The following OLA1 variants were observed in gnomAD, a reference collection of about 807,000 sequenced individuals.
OLA1 encodes Obg like ATPase 1, also known as obg-like ATPase 1.
A neutral mutation model predicts 48.4 loss-of-function variants in OLA1; 14 were observed. The ratio of observed to expected loss-of-function variants is 0.29; its 90% CI spans 0.19 to 0.45. The LOEUF (loss-of-function observed/expected upper bound fraction) is 0.45, where lower values mean the gene tolerates loss of function less well. Among genes scored for constraint, OLA1 ranks in the 20% least tolerant of loss-of-function variants. The pLI is 1.00. For synonymous variants in OLA1, 127 were observed against 150.4 expected, an observed-to-expected ratio of 0.84 and a Z score of 1.14; for missense variants, 325 against 467.1, an observed-to-expected ratio of 0.70 and a Z score of 2.80.
At chr2:174,220,090 C>T (rs1688465931) in intron 4 of OLA1, among the ~76,000 whole-genome samples, 1 of 152,104 alleles carries the variant, frequency 6.6e-6, no homozygotes, top group Non-Finnish European at 1.5e-5. Context: ...CGAGATGATG[C>T]CACTGCACTC....
At chr2:174,194,672 C>T (rs938106635) in intron 4 of OLA1, among the ~76,000 whole-genome samples, 1 of 152,116 alleles carries the variant, frequency 6.6e-6, no homozygotes, top group Non-Finnish European at 1.5e-5. Context: ...CCCATATTCT[C>T]CTTTAATTAC....
chr2:174,247,938 C>A, intron 1 of OLA1: 1 of 834,360 alleles, frequency 1.2e-6, no homozygotes, highest in Non-Finnish European at 1.8e-6. Context: ...AAGCTGGGAA[C>A]TAAAACTGTC....
At chr2:174,107,891 T>C (rs1685551130) in intron 7 of OLA1, among the ~76,000 whole-genome samples, 1 of 152,036 alleles carries the variant, frequency 6.6e-6, no homozygotes, top group Non-Finnish European at 1.5e-5. Context: ...ATACACCATA[T>C]AGATAGGATA....
At chr2:174,142,880 C>T (rs577208177) in intron 4 of OLA1, among the ~76,000 whole-genome samples, 1 of 152,238 alleles carries the variant, frequency 6.6e-6, no homozygotes, top group African/African-American at 2.4e-5. Context: ...CCAAACAATA[C>T]ACACATTTAT....
At chr2:174,228,330 G>T (rs937402416) in intron 3 of OLA1, among the ~76,000 whole-genome samples, 2 of 152,120 alleles carry the variant, frequency 1.3e-5, no homozygotes, top group Non-Finnish European at 2.9e-5. Flanking sequence ...TATTATATTA[G>T]AAATTATTAC....
At chr2:174,188,241 A>C (rs1409813561) in intron 4 of OLA1, among the ~76,000 whole-genome samples, 2 of 152,194 alleles carry the variant, frequency 1.3e-5, no homozygotes, top group Non-Finnish European at 1.5e-5. Flanking sequence ...GTTAAGACAC[A>C]AAAATGTTGT....
intron 5 of OLA1, among the ~76,000 whole-genome samples, chr2:174,131,895 T>C (rs1425332952): frequency 6.6e-6 from 1 of 152,124 alleles, no homozygotes; most frequent in Non-Finnish European, 1.5e-5. Flanking sequence ...GATTTTGGTA[T>C]CAGGACTATT....
intron 4 of OLA1, among the ~76,000 whole-genome samples, chr2:174,143,724 C>T (rs1483498618): frequency 6.6e-6 from 1 of 152,070 alleles, no homozygotes; most frequent in Non-Finnish European, 1.5e-5. Flanking sequence ...GAAAACAAAG[C>T]CCTCTGATGA....
chr2:174,205,802 C>T (rs1314877852), intron 4 of OLA1, among the ~76,000 whole-genome samples: 2 of 152,176 alleles, frequency 1.3e-5, no homozygotes, highest in East Asian at 3.9e-4. Flanking sequence ...ATTCCAGGCA[C>T]ATGGACAGTC....
intron 7 of OLA1, among the ~76,000 whole-genome samples, chr2:174,112,862 AAAAC>A (rs1053074226): frequency 3.1e-4 from 47 of 152,332 alleles, no homozygotes; most frequent in African/African-American, 1.1e-3. Context: ...ACAGCAGCAG[AAAAC>A]AAACTAACAC....
chr2:174,187,266 G>C (rs1370843745), intron 4 of OLA1, among the ~76,000 whole-genome samples: 1 of 152,166 alleles, frequency 6.6e-6, no homozygotes, highest in Non-Finnish European at 1.5e-5. Flanking sequence ...AGTCTATATT[G>C]CTCGAGAAAA....
chr2:174,136,366 G>C (rs1412134179), intron 5 of OLA1, among the ~76,000 whole-genome samples: 1 of 152,184 alleles, frequency 6.6e-6, no homozygotes, highest in Admixed American at 6.5e-5. Flanking sequence ...ATCCTTTGTT[G>C]TCATTTCAAC....
intron 5 of OLA1, among the ~76,000 whole-genome samples, chr2:174,134,799 A>C (rs1169968673): frequency 6.6e-6 from 1 of 152,328 alleles, no homozygotes; most frequent in South Asian, 2.1e-4. Context: ...ATAGTTTACC[A>C]CAATAAAAAA....
chr2:174,095,837 G>A (rs1469156856), intron 7 of OLA1, among the ~76,000 whole-genome samples: 1 of 152,010 alleles, frequency 6.6e-6, no homozygotes, highest in African/African-American at 2.4e-5. Flanking sequence ...ACGATAAAAA[G>A]ACAGAAATTA....
intron 4 of OLA1, among the ~76,000 whole-genome samples, chr2:174,189,875 A>C (rs1687736757): frequency 1.5e-5 from 2 of 133,162 alleles, no homozygotes; most frequent in Non-Finnish European, 1.5e-5. Context: ...AAAAAAAAAA[A>C]AACAAAACAC....
In OLA1 at chr2:174,137,121, C is replaced by T. The variant is rs535512008; in HGVS notation, c.549+4704G>A. On this transcript the variant is annotated intron_variant, in intron 5 of 10. Coordinates refer to ENST00000284719, the MANE Select transcript of OLA1 (RefSeq NM_013341.5). ...ATAAGATAGGAACATCAAAATTATT[C>T]CTTGATCTATGGGTTGCAGAATGGA... is the stretch of plus-strand genomic sequence containing the variant. Among the ~76,000 whole-genome samples, 7 of 152,224 alleles carry T rather than the reference C, an allele frequency of 4.6e-5. No homozygotes were observed. The East Asian group carries it at 1.4e-3, about 29-fold the overall frequency.
At chr2:174,097,411 A>G (rs941608284) in intron 7 of OLA1, among the ~76,000 whole-genome samples, 1 of 152,204 alleles carries the variant, frequency 6.6e-6, no homozygotes, top group African/African-American at 2.4e-5. Context: ...GACATACATA[A>G]AACTTTTTTA....
In OLA1 at chr2:174,094,054, G is replaced by A. The variant is rs919419919; in HGVS notation, c.729-11990C>T. ...CCCTCTGATATACCGGGATAGATGA[G>A]GAGAGGATGCTGAGACTAGAGAGGG... is the stretch of plus-strand genomic sequence containing the variant. On this transcript the variant is annotated intron_variant, in intron 7 of 10. Coordinates refer to ENST00000284719, the MANE Select transcript of OLA1 (RefSeq NM_013341.5). Among the ~76,000 whole-genome samples the A allele has an allele frequency of 2.0e-5, 3 of 152,342 alleles. No individual in the cohort carries two copies. In the South Asian group the frequency reaches 6.2e-4, roughly 32 times the overall value.
At chr2:174,201,588 A>G (rs1229749274) in intron 4 of OLA1, among the ~76,000 whole-genome samples, 1 of 152,150 alleles carries the variant, frequency 6.6e-6, no homozygotes, top group African/African-American at 2.4e-5. Flanking sequence ...TCTAGACTCA[A>G]GCGATCTTCC....
Sources: allele counts gnomAD v4.1 joint callset (sites outside exome capture counted in the v4.1 genomes callset), GRCh38; gene constraint gnomAD v4.1.1; transcripts MANE v1.5; gene names NCBI Gene and HGNC (gene_info 2026-07-23, HGNC 2026-07-21).